STARD13: variants seen among roughly 807,000 people sequenced by gnomAD.
The protein encoded by STARD13 is StAR related lipid transfer domain containing 13.
STARD13 carries 62 observed loss-of-function variants against 106.4 expected under a neutral mutation model. The observed-to-expected ratio is 0.58, with a 90% CI of 0.48 to 0.72. The LOEUF is 0.72. Among genes scored for constraint, STARD13 ranks in the 30% least tolerant of loss-of-function variants. The probability of loss-of-function intolerance (pLI) is 0.00; values close to 1 mark genes in which losing one functional copy is unlikely to be tolerated. For missense variants in STARD13, 1,387 were observed against 1,424.0 expected, an observed-to-expected ratio of 0.97 and a Z score of 0.42; for synonymous variants, 565 against 553.0, an observed-to-expected ratio of 1.02 and a Z score of -0.31.
the STARD13 span, among the ~76,000 whole-genome samples, chr13:33,594,519 T>C: frequency 2.0e-5 from 3 of 152,226 alleles, no homozygotes; most frequent in Non-Finnish European, 4.4e-5. Flanking sequence ...TGTGGTAAAA[T>C]ATACATAACA....
the STARD13 span, among the ~76,000 whole-genome samples, chr13:33,410,320 T>C: frequency 6.6e-6 from 1 of 152,128 alleles, no homozygotes; most frequent in Non-Finnish European, 1.5e-5. Context: ...AGCAGAAAAA[T>C]GTAGGTGCTA....
chr13:33,220,680 A>G (rs745703992), intron 1 of STARD13, among the ~76,000 whole-genome samples: 10 of 152,156 alleles, frequency 6.6e-5, no homozygotes, highest in Non-Finnish European at 1.2e-4. Context: ...CAACAGAGCA[A>G]GATTCCATCT....
the STARD13 span, among the ~76,000 whole-genome samples, chr13:33,633,981 T>C: frequency 6.6e-6 from 1 of 152,216 alleles, no homozygotes; most frequent in African/African-American, 2.4e-5. Flanking sequence ...TTCAGTCAAA[T>C]AGATTCATCA....
the STARD13 span, among the ~76,000 whole-genome samples, chr13:33,382,805 A>G: frequency 1.3e-5 from 2 of 152,332 alleles, no homozygotes; most frequent in East Asian, 3.9e-4. Context: ...TCTTCCACCG[A>G]TAAGCATTAT....
chr13:33,226,627 G>A (rs1323015243), intron 1 of STARD13, among the ~76,000 whole-genome samples: 1 of 151,850 alleles, frequency 6.6e-6, no homozygotes, highest in Non-Finnish European at 1.5e-5. Flanking sequence ...TAGAGACAGG[G>A]TTTCACCATG....
intron 1 of STARD13, among the ~76,000 whole-genome samples, chr13:33,274,213 G>A (rs1891303865): frequency 6.6e-6 from 1 of 152,048 alleles, no homozygotes; most frequent in South Asian, 2.1e-4. Flanking sequence ...ACCTTAGAGT[G>A]TGAGTATATT....
chr13:33,604,275 A>G, the STARD13 span, among the ~76,000 whole-genome samples: 1 of 152,194 alleles, frequency 6.6e-6, no homozygotes, highest in African/African-American at 2.4e-5. Context: ...AGAGGCAGAA[A>G]TTTCTAAAAT....
At chr13:33,323,888 CA>C (rs1260764804) in intron 1 of STARD13, among the ~76,000 whole-genome samples, 1 of 152,102 alleles carries the variant, frequency 6.6e-6, no homozygotes, top group African/African-American at 2.4e-5. Flanking sequence ...CTGAGGGAAA[CA>C]AAAACACGAA....
chr13:33,615,486 T>A, the STARD13 span, among the ~76,000 whole-genome samples: 1 of 152,176 alleles, frequency 6.6e-6, no homozygotes, highest in Non-Finnish European at 1.5e-5. Flanking sequence ...TATTTTCCAT[T>A]GTTGGAGAAG....
the STARD13 span, among the ~76,000 whole-genome samples, chr13:33,369,248 C>G: frequency 6.6e-6 from 1 of 151,930 alleles, no homozygotes; most frequent in African/African-American, 2.4e-5. Context: ...AGCATTGAGA[C>G]ATTTGGCAGG....
the STARD13 span, among the ~76,000 whole-genome samples, chr13:33,396,504 A>G: frequency 6.6e-6 from 1 of 152,314 alleles, no homozygotes; most frequent in African/African-American, 2.4e-5. Flanking sequence ...GGCACCTTTA[A>G]ACTTCAGTCT....
At chr13:33,168,851 A>G (rs1370499565) in intron 1 of STARD13, among the ~76,000 whole-genome samples, 1 of 152,216 alleles carries the variant, frequency 6.6e-6, no homozygotes, top group Non-Finnish European at 1.5e-5. Flanking sequence ...CAAAGGCCAG[A>G]TCTTACTCAG....
the STARD13 span, among the ~76,000 whole-genome samples, chr13:33,560,641 G>A: frequency 2.2e-4 from 33 of 151,506 alleles, no homozygotes; most frequent in Admixed American, 1.4e-3. Context: ...CCACCTTTCA[G>A]AATACATAAC....
chr13:33,634,314 C>T, the STARD13 span, among the ~76,000 whole-genome samples: 3 of 152,302 alleles, frequency 2.0e-5, no homozygotes, highest in Admixed American at 2.0e-4. Context: ...TACCCAGCCT[C>T]AGTTACCTCA....
At chr13:33,329,641 C>T (rs1283171919) in intron 1 of STARD13, among the ~76,000 whole-genome samples, 2 of 118,046 alleles carry the variant, frequency 1.7e-5, no homozygotes, top group East Asian at 5.5e-4. Flanking sequence ...AATAATATTC[C>T]ATTGTGTGTG....
At chr13:33,308,949 A>G (rs569025582) in intron 1 of STARD13, among the ~76,000 whole-genome samples, 12 of 152,310 alleles carry the variant, frequency 7.9e-5, no homozygotes, top group South Asian at 2.1e-4. Context: ...AGCTTCTTCC[A>G]AGCTCTGAGG....
chr13:33,311,096 C>G lies in STARD13; in HGVS notation c.124+39194G>C, dbSNP rs151266396. Among the ~76,000 whole-genome samples the G allele has an allele frequency of 7.6e-4, 114 of 150,606 alleles. 1 individual carries two copies. The East Asian group carries it at 0.014, about 19-fold the overall frequency. On this transcript the variant is annotated intron_variant, in intron 1 of 5. Transcript: ENST00000567873. ...ATCACTTAAGCCCAGAAGTTTGAGA[C>G]CCACCTGGGCAACATAATAAGACAC...
chr13:33,292,244 G>A (rs562223020), intron 1 of STARD13, among the ~76,000 whole-genome samples: 24 of 152,044 alleles, frequency 1.6e-4, no homozygotes, highest in African/African-American at 5.5e-4. Flanking sequence ...CAACATATCC[G>A]TAAGATGAAA....
At chr13:33,467,480 G>A in the STARD13 span, among the ~76,000 whole-genome samples, 2,241 of 152,258 alleles carry the variant, frequency 0.015, 61 homozygotes, top group African/African-American at 0.048. Context: ...GCTGTGTGAT[G>A]CAGTTCCTAA....
Sources: gnomAD v4.1 joint callset for allele counts (sites outside exome capture counted in the v4.1 genomes callset) on GRCh38, gnomAD v4.1.1 for gene constraint, MANE v1.5 for transcripts, NCBI Gene and HGNC (gene_info 2026-07-23, HGNC 2026-07-21) for gene names.